Variants in STXBP5 observed in about 807,000 individuals in gnomAD.
STXBP5 encodes syntaxin-binding protein 5.
STXBP5 carries 50 observed loss-of-function variants against 152.4 expected under a neutral mutation model. The observed-to-expected ratio is 0.33, with a 90% CI of 0.26 to 0.42. The LOEUF is 0.42. Ranked by LOEUF, STXBP5 falls within the 10% of genes least tolerant of loss-of-function variation. The pLI is 1.00. For missense variants in STXBP5, 1,167 were observed against 1,388.6 expected, an observed-to-expected ratio of 0.84 and a Z score of 2.54; for synonymous variants, 492 against 494.7, an observed-to-expected ratio of 0.99 and a Z score of 0.07.
Position 147,310,197 on chromosome 6 carries a change from T to C in STXBP5, c.1031T>C (p.Ile344Thr). The C allele has an allele frequency of 1.3e-6, 2 of 1,597,996 alleles. No homozygotes were observed. The highest frequency in any genetic ancestry group is 1.7e-6 in the Non-Finnish European group (2 of 1,175,488). The change falls in exon 10 of 28, where the codon ATT (isoleucine) becomes ACT (threonine). Residue 344 changes from isoleucine to threonine, a missense_variant. This residue lies in a region of STXBP5 where 833 missense variants were observed against 986.3 expected (regional missense o/e 0.84). Transcript: ENST00000321680. Reference protein sequence around the residue: ...STAVLEMDYSIVDFLTLCETP... With the variant: ...STAVLEMDYSTVDFLTLCETP... ...GCTGTGCTAGAAATGGACTATTCAA[T>C]TGTTGATTTTCTAACGCTGTGTGAA...
At chr6:147,362,451 C>T (rs1785108772) in intron 23 of STXBP5, among the ~76,000 whole-genome samples, 1 of 152,052 alleles carries the variant, frequency 6.6e-6, no homozygotes, top group South Asian at 2.1e-4. Flanking sequence ...TGTACATTAT[C>T]AAGGATATAG....
At position 147,204,704 on chromosome 6, in the gene STXBP5, G is replaced by A. The variant is rs1423323972; in HGVS notation, c.150+22G>A. 1 of 1,536,676 alleles carries A rather than the reference G, an allele frequency of 6.5e-7. No individual in the cohort carries two copies. Among genetic ancestry groups the A allele is most frequent in the Non-Finnish European group, 8.8e-7 (1 of 1,139,382 alleles). ...CAAGGTGAACGGAGCGCGCAGCCCC[G>A]CGACACCGTCATTGAAAAATTGGGG... On this transcript the variant is annotated intron_variant, in intron 1 of 27. Coordinates refer to ENST00000321680, the MANE Select transcript of STXBP5 (RefSeq NM_001127715.4). The surrounding 1 kb of genome is among the most constrained non-coding windows in gnomAD (Gnocchi z 4.3).
intron 6 of STXBP5, among the ~76,000 whole-genome samples, chr6:147,264,000 A>G (rs766059278): frequency 1.1e-4 from 17 of 151,826 alleles, no homozygotes; most frequent in Admixed American, 2.0e-4. Flanking sequence ...TAATAAAAAT[A>G]CCAACTGCTC....
At chr6:147,243,209 T>C (rs1179204401) in intron 4 of STXBP5, among the ~76,000 whole-genome samples, 1 of 152,214 alleles carries the variant, frequency 6.6e-6, no homozygotes, top group Non-Finnish European at 1.5e-5. Flanking sequence ...CCCACTAGCA[T>C]TGAATAAGAG....
chr6:147,220,113 C>G (rs887686510), intron 2 of STXBP5, among the ~76,000 whole-genome samples: 1 of 151,882 alleles, frequency 6.6e-6, no homozygotes, highest in African/African-American at 2.4e-5. Context: ...AAAATTCTCT[C>G]TTAATATCTT....
At chr6:147,279,244 G>T (rs965366304) in intron 8 of STXBP5, among the ~76,000 whole-genome samples, 1 of 151,986 alleles carries the variant, frequency 6.6e-6, no homozygotes, top group East Asian at 1.9e-4. Flanking sequence ...GATTATGAAG[G>T]CCACCTTTTT....
intron 25 of STXBP5, among the ~76,000 whole-genome samples, chr6:147,367,780 C>T (rs1210092770): frequency 6.6e-6 from 1 of 151,560 alleles, no homozygotes; most frequent in Admixed American, 6.6e-5. Context: ...TAATCTCAAG[C>T]CATATGAAGA....
chr6:147,260,506 A>G, intron 4 of STXBP5, 109 bp from the exon 5 acceptor site: 1 of 1,178,884 alleles, frequency 8.5e-7, no homozygotes, highest in Non-Finnish European at 1.2e-6. Context: ...TGATGATTAT[A>G]TACCAGTTTT....
At chr6:147,283,564 C>T (rs192599249) in intron 8 of STXBP5, among the ~76,000 whole-genome samples, 29 of 152,236 alleles carry the variant, frequency 1.9e-4, no homozygotes, top group Non-Finnish European at 3.1e-4. Context: ...CACTTACACA[C>T]GAGGATTGTG....
chr6:147,251,690 G>T (rs1779104951), intron 4 of STXBP5, among the ~76,000 whole-genome samples: 1 of 152,226 alleles, frequency 6.6e-6, no homozygotes, highest in African/African-American at 2.4e-5. Flanking sequence ...GTTCCTGCCT[G>T]CCGGCTCTGA....
At chr6:147,300,852 A>T (rs1198663019) in intron 9 of STXBP5, among the ~76,000 whole-genome samples, 1 of 152,104 alleles carries the variant, frequency 6.6e-6, no homozygotes, top group Non-Finnish European at 1.5e-5. Context: ...GAAACAGTCA[A>T]CCAAGTGAAG....
chr6:147,329,438 T>G (rs1783439385), intron 18 of STXBP5, among the ~76,000 whole-genome samples: 1 of 150,698 alleles, frequency 6.6e-6, no homozygotes, highest in Non-Finnish European at 1.5e-5. Context: ...AAATAACATC[T>G]TAAGAATATT....
In STXBP5 at chr6:147,316,476, G is replaced by C. The variant is rs190246445; in HGVS notation, c.1802+69G>C. The stretch of plus-strand genomic sequence containing the variant: ...TAATTTATATAAATTGTAAGCATTA[G>C]AGCTATGGTAACATTTTCTTTTGAT... On this transcript the variant is annotated intron_variant, in intron 16 of 27. Coordinates refer to ENST00000321680, the MANE Select transcript of STXBP5 (RefSeq NM_001127715.4). 512 of 1,295,058 alleles carry C rather than the reference G, an allele frequency of 4.0e-4. 2 individuals are homozygous for C. The African/African-American group carries it at 7.2e-3, about 18-fold the overall frequency. The allele number at this position is 1,295,058 out of a possible 1,614,324, so 80.2% of individuals were successfully genotyped here.
intron 2 of STXBP5, among the ~76,000 whole-genome samples, chr6:147,221,744 C>CTT (rs1344198903): frequency 2.9e-5 from 4 of 136,290 alleles, no homozygotes; most frequent in African/African-American, 8.0e-5. Flanking sequence ...GTGTAGCTTT[C>CTT]TTTTTTTTTT....
chr6:147,312,002 A>G (rs1024994097), intron 11 of STXBP5, among the ~76,000 whole-genome samples: 2 of 152,150 alleles, frequency 1.3e-5, no homozygotes, highest in African/African-American at 4.8e-5. Flanking sequence ...TGCTACTCCA[A>G]ACAGTAGGAA....
At chr6:147,210,395 G>C (rs1776786930) in intron 2 of STXBP5, among the ~76,000 whole-genome samples, 1 of 151,924 alleles carries the variant, frequency 6.6e-6, no homozygotes, top group Admixed American at 6.6e-5. Context: ...GTTTTGTTTT[G>C]GTTTTTTTTG....
At chr6:147,325,304 C>T (rs1783191368) in intron 17 of STXBP5, among the ~76,000 whole-genome samples, 2 of 152,190 alleles carry the variant, frequency 1.3e-5, no homozygotes, top group East Asian at 1.9e-4. Context: ...AAGTTAAATG[C>T]CTCATGGACC....
chr6:147,345,959 G>A (rs1197257040), intron 21 of STXBP5, among the ~76,000 whole-genome samples: 1 of 152,156 alleles, frequency 6.6e-6, no homozygotes, highest in Non-Finnish European at 1.5e-5. Flanking sequence ...TAAGAAGAGA[G>A]CAATGACCCA....
chr6:147,310,625 C>T (rs1481687051), intron 10 of STXBP5, among the ~76,000 whole-genome samples: 1 of 152,078 alleles, frequency 6.6e-6, no homozygotes, highest in Non-Finnish European at 1.5e-5. Context: ...GTAGAGCAGG[C>T]TAGCAGGCTG....
Sources: gnomAD v4.1 joint callset for allele counts (sites outside exome capture counted in the v4.1 genomes callset) on GRCh38, gnomAD v4.1.1 for gene constraint, gnomAD v4.1.1 regional missense constraint, Gnocchi (gnomAD v3.1) non-coding constraint, MANE v1.5 for transcripts, NCBI Gene and HGNC (gene_info 2026-07-23, HGNC 2026-07-21) for gene names.